Variants in GRHL2 observed in about 807,000 individuals in gnomAD.
GRHL2 encodes the protein grainyhead like transcription factor 2.
In GRHL2, 21 loss-of-function variants were observed where a neutral mutation model predicts 83.8. The observed-to-expected ratio is 0.25, with a 90% CI of 0.18 to 0.36. The LOEUF is 0.36. Ranked by LOEUF, GRHL2 falls within the 10% of genes least tolerant of loss-of-function variation. The pLI is 1.00. For missense variants in GRHL2, 623 were observed against 781.8 expected, an observed-to-expected ratio of 0.80 and a Z score of 2.42; for synonymous variants, 280 against 278.9, an observed-to-expected ratio of 1.00 and a Z score of -0.04.
intron 1 of GRHL2, among the ~76,000 whole-genome samples, chr8:101,502,746 C>CTCCTCT (rs1374423231): frequency 2.0e-5 from 3 of 151,818 alleles, no homozygotes; most frequent in Non-Finnish European, 2.9e-5. Context: ...CCTCCTCCTC[C>CTCCTCT]TCCTCTTCCT....
At chr8:101,568,803 G>T (rs928568184) in intron 4 of GRHL2, among the ~76,000 whole-genome samples, 2 of 152,056 alleles carry the variant, frequency 1.3e-5, no homozygotes, top group Non-Finnish European at 2.9e-5. Flanking sequence ...TATTTATTCA[G>T]CCAACAATTA....
At chr8:101,612,396 AG>A (rs1043455985) in intron 8 of GRHL2, among the ~76,000 whole-genome samples, 7 of 150,680 alleles carry the variant, frequency 4.6e-5, no homozygotes, top group Admixed American at 6.6e-5. Context: ...CATTTCCTTG[AG>A]GGCAGGGCCC....
intron 12 of GRHL2, among the ~76,000 whole-genome samples, chr8:101,638,795 G>A (rs764803194): frequency 6.6e-6 from 1 of 152,152 alleles, no homozygotes; most frequent in Non-Finnish European, 1.5e-5. Context: ...GACTAGCACT[G>A]TCAATTCTAA....
chr8:101,605,207 A>G (rs7836164), intron 8 of GRHL2, among the ~76,000 whole-genome samples: 77,385 of 152,026 alleles, frequency 0.51, 21,611 homozygotes, highest in African/African-American at 0.74. Flanking sequence ...CTGAGACCCA[A>G]TGGAGGTGGG....
rs192449695 is a variant in GRHL2, at chr8:101,505,304, G to A, written c.20+12515G>A. On this transcript the variant is annotated intron_variant, in intron 1 of 15. Coordinates refer to ENST00000646743, the MANE Select transcript of GRHL2 (RefSeq NM_024915.4). Reference sequence around the variant, plus strand: ...TGTTAAAAGTCTAAATGGGCCGGGCGTGGTGGCTCATGCCTATAATCCCAG... The same window carrying A: ...TGTTAAAAGTCTAAATGGGCCGGGCATGGTGGCTCATGCCTATAATCCCAG... 4.4e-3 allele frequency among the ~76,000 whole-genome samples: 672 copies of A among 152,194 alleles called. 6 individuals carry two copies. Among genetic ancestry groups the A allele is most frequent in the Middle Eastern group, 0.017 (5 of 294 alleles).
chr8:101,600,047 C>A (rs1189623063), intron 8 of GRHL2, among the ~76,000 whole-genome samples: 1 of 152,084 alleles, frequency 6.6e-6, no homozygotes, highest in Non-Finnish European at 1.5e-5. Context: ...CTGCTCTGGT[C>A]GATGCTTTAT....
rs1814157150 is a variant in GRHL2 at position 101,669,302 on chromosome 8, C to T, written c.*2599C>T. The T allele has an allele frequency of 1.7e-5, 2 of 115,870 alleles. No individual in the cohort carries two copies. The highest frequency in any genetic ancestry group is 3.5e-5 in the Non-Finnish European group (2 of 57,962). 7.2% of individuals were successfully genotyped at this position (115,870 alleles called of 1,614,324 possible). A position where few individuals can be genotyped will look rare whatever the true frequency, so the allele number is the denominator to read the frequency against. ...GAACTGAACAGAACAAGACTTTTTC[C>T]TCATACATCTCCAAATTGTTTAAAC... On this transcript the variant is annotated 3_prime_UTR_variant, in exon 16 of 16. Transcript: ENST00000646743.
Position 101,599,073 on chromosome 8 carries a change from C to T in GRHL2, c.1020C>T (p.Ser340=), listed in dbSNP as rs536807009. 3 of 1,612,156 alleles carry T rather than the reference C, an allele frequency of 1.9e-6. No homozygotes were observed. The highest frequency in any genetic ancestry group is 1.3e-5 in the African/African-American group (1 of 74,828). Reference sequence around the variant, plus strand: ...ATGTTACAGCCGATTACAAGGAGAGCTTTAATACGATTGGAAACATTGAAG... The same window carrying T: ...ATGTTACAGCCGATTACAAGGAGAGTTTTAATACGATTGGAAACATTGAAG... ...RVLDIADYKE[S]FNTIGNIEEI... Residue 340 remains serine, a synonymous_variant, in exon 8 of 16, where the codon AGC becomes AGT. Coordinates refer to ENST00000646743, the MANE Select transcript of GRHL2 (RefSeq NM_024915.4).
intron 1 of GRHL2, among the ~76,000 whole-genome samples, chr8:101,500,285 C>T (rs1810198421): frequency 6.6e-6 from 1 of 152,110 alleles, no homozygotes; most frequent in African/African-American, 2.4e-5. Context: ...ACAACATGTA[C>T]CTGGGAGTCC....
intron 7 of GRHL2, among the ~76,000 whole-genome samples, chr8:101,598,767 G>T (rs557788830): frequency 6.6e-6 from 1 of 152,004 alleles, no homozygotes; most frequent in Admixed American, 6.5e-5. Context: ...GGAGAAAAAA[G>T]AAAACCTTAA....
At chr8:101,609,529 A>G (rs1477297614) in intron 8 of GRHL2, among the ~76,000 whole-genome samples, 1 of 151,100 alleles carries the variant, frequency 6.6e-6, no homozygotes, top group Non-Finnish European at 1.5e-5. Flanking sequence ...AAATTTATAC[A>G]CGCACATGTG....
chr8:101,552,660 A>T (rs1563576753), intron 2 of GRHL2, 55 bp from the exon 3 acceptor site: 9 of 1,539,686 alleles, frequency 5.8e-6, no homozygotes, highest in South Asian at 3.4e-5. Context: ...CCAGCTCTGA[A>T]CATGGTCATG....
At chr8:101,572,581 T>A (rs1811848749) in intron 5 of GRHL2, among the ~76,000 whole-genome samples, 1 of 152,114 alleles carries the variant, frequency 6.6e-6, no homozygotes, top group Non-Finnish European at 1.5e-5. Context: ...ATAAAAGAGC[T>A]AAAAAAATAA....
Position 101,649,493 on chromosome 8 carries a change from G to A in GRHL2, c.1692G>A (p.Met564Ile), listed in dbSNP as rs369314800. 7 of 1,612,702 alleles carry A rather than the reference G, an allele frequency of 4.3e-6. No individual in the cohort carries two copies. Among genetic ancestry groups the A allele is most frequent in the Non-Finnish European group, 5.9e-6 (7 of 1,178,938 alleles). ...AGTCTCCCACAGTGAAGGGCCTGAT[G>A]GAAGCGGTAAGCCATATACTCCTTT... ...MLKSPTVKGL[M>I]EAISEKYGLP... Residue 564 changes from methionine to isoleucine, a missense_variant, in exon 14 of 16, where the codon ATG becomes ATA. Met to Ile is a conservative substitution (Grantham distance 10, BLOSUM62 1). Transcript: ENST00000646743.
At position 101,573,903 on chromosome 8, in the gene GRHL2, A is replaced by G. The variant is rs1270224021; in HGVS notation, c.891+79A>G. ...CTACCTCACAGCCTTGTGGAATGGCATGGAAAAAAAATAAAACCTTCAACA... is the reference window on the plus strand; with the variant it reads ...CTACCTCACAGCCTTGTGGAATGGCGTGGAAAAAAAATAAAACCTTCAACA... On this transcript the variant is annotated intron_variant, in intron 6 of 15. Transcript: ENST00000646743. The G allele has an allele frequency of 3.3e-6, 5 of 1,498,274 alleles. 1 individual carries two copies. Among genetic ancestry groups the G allele is most frequent in the South Asian group, 2.3e-5 (2 of 87,070 alleles). 92.8% of individuals were successfully genotyped at this position (1,498,274 alleles called of 1,614,324 possible).
At position 101,648,448 on chromosome 8, in the gene GRHL2, A is replaced by C. The variant is rs185934209; in HGVS notation, c.1613-966A>C. On this transcript the variant is annotated intron_variant, in intron 13 of 15. Transcript: ENST00000646743. Reference sequence around the variant, plus strand: ...TAGAACCATGACAACTGCTTCCCCCACTGATCGAGGACGGGTGCTTGCTGT... The same window carrying C: ...TAGAACCATGACAACTGCTTCCCCCCCTGATCGAGGACGGGTGCTTGCTGT... Among the ~76,000 whole-genome samples the C allele has an allele frequency of 3.1e-3, 469 of 152,288 alleles. 3 individuals carry two copies. Among genetic ancestry groups the C allele is most frequent in the African/African-American group, 0.011 (448 of 41,546 alleles).
rs33923524 is a variant in GRHL2, at chr8:101,500,851, T to TA, written c.20+8076dup. 8.6e-5 allele frequency among the ~76,000 whole-genome samples: 13 copies of TA among 151,414 alleles called. No homozygotes were observed. The East Asian group carries it at 1.6e-3, about 18-fold the overall frequency. On this transcript the variant is annotated intron_variant, in intron 1 of 15. Coordinates refer to ENST00000646743, the MANE Select transcript of GRHL2 (RefSeq NM_024915.4). ...GCTGTAAGTTTCTTACTGGAAATGG[T>TA]AAAAAAAAAAAAAAGTACTGGATTA...
intron 1 of GRHL2, among the ~76,000 whole-genome samples, chr8:101,523,313 GA>G (rs1168939766): frequency 6.6e-6 from 1 of 151,998 alleles, no homozygotes; most frequent in Non-Finnish European, 1.5e-5. Context: ...TTGGAGAGGG[GA>G]ACTGCATAAA....
At chr8:101,598,581 ATTTTTTTTTT>A (rs61519476) in intron 7 of GRHL2, among the ~76,000 whole-genome samples, 2,752 of 117,658 alleles carry the variant, frequency 0.023, 91 homozygotes, top group East Asian at 0.075. Flanking sequence ...GGTCTCCTGA[ATTTTTTTTTT>A]TTTTTTTTTT....
Sources: gnomAD v4.1 joint callset for allele counts (sites outside exome capture counted in the v4.1 genomes callset) on GRCh38, gnomAD v4.1.1 for gene constraint, MANE v1.5 for transcripts, NCBI Gene and HGNC (gene_info 2026-07-23, HGNC 2026-07-21) for gene names.